The following NAAA variants were observed in gnomAD, a reference collection of about 807,000 sequenced individuals.
NAAA encodes the protein N-acylethanolamine acid amidase, also known as N-acylethanolamine-hydrolyzing acid amidase.
In NAAA, 39 loss-of-function variants were observed where a neutral mutation model predicts 44.8. That is an observed-to-expected ratio of 0.87 (90% CI 0.67 to 1.14). NAAA has a LOEUF of 1.14. NAAA is among the 50% of genes most tolerant of loss of function. The pLI is 0.00. For synonymous variants in NAAA, 178 were observed against 191.3 expected (o/e 0.93, Z 0.58); for missense variants, 460 against 467.8 (o/e 0.98, Z 0.15).
At chr4:75,914,532 C>G (rs1481843523) in intron 10 of NAAA, among the ~76,000 whole-genome samples, 194 bp from the exon 11 acceptor site, 3 of 151,948 alleles carry the variant, frequency 2.0e-5, no homozygotes, top group Non-Finnish European at 4.4e-5. Flanking sequence ...CACCACCACA[C>G]CTGGCTAACA....
At chr4:75,918,696 A>T in intron 9 of NAAA, 65 bp downstream of exon 9, 1 of 1,550,180 alleles carries the variant, frequency 6.5e-7, no homozygotes, top group Non-Finnish European at 8.9e-7. Flanking sequence ...TGAGCCAAAC[A>T]GTACGTGAGT....
chr4:75,914,803 C>T (rs909242335), intron 10 of NAAA, 65 bp downstream of exon 10: 2 of 1,163,848 alleles, frequency 1.7e-6, no homozygotes, highest in Non-Finnish European at 2.5e-6. Context: ...GATGTTACCA[C>T]CCTCTGTAAG....
Position 75,921,063 on chromosome 4 carries a change from T to G in NAAA, c.727A>C (p.Ile243Leu). 1 of 1,601,540 alleles carries G rather than the reference T, an allele frequency of 6.2e-7. No individual in the cohort carries two copies. Among genetic ancestry groups the G allele is most frequent in the Non-Finnish European group, 8.5e-7 (1 of 1,176,860 alleles). Residue 243 changes from isoleucine to leucine, a missense_variant, in exon 6 of 11, where the codon ATT becomes CTT. Transcript: ENST00000286733. ...CCAACAATGTAATAAACATCAGCAA[T>G]AAGGGGAGTCTTGGCCAACTTGCCA... Reference protein sequence around the residue: ...AVGKLAKTPLIADVYYIVGGT... With the variant: ...AVGKLAKTPLLADVYYIVGGT...
At chr4:75,933,782 C>T (rs112556223) in intron 3 of NAAA, among the ~76,000 whole-genome samples, 7 of 151,972 alleles carry the variant, frequency 4.6e-5, no homozygotes, top group African/African-American at 1.5e-4. Flanking sequence ...AACCTGTAAT[C>T]CCAGCACTTT....
chr4:75,930,440 G>C (rs772461942), intron 4 of NAAA: 1 of 514,174 alleles, frequency 1.9e-6, no homozygotes, highest in Non-Finnish European at 3.9e-6. Flanking sequence ...AACGAATGGA[G>C]TTAAAAATAA....
intron 3 of NAAA, among the ~76,000 whole-genome samples, chr4:75,934,439 C>T (rs946708099): frequency 6.6e-6 from 1 of 151,690 alleles, no homozygotes; most frequent in African/African-American, 2.4e-5. Flanking sequence ...CCTCAGCCTC[C>T]CAAGTAGCTG....
In NAAA at chr4:75,921,130, G is replaced by A. The variant is rs116406284; in HGVS notation, c.667-7C>T. ...TTTCCGACTCACTCAGGGTCTGAAC[G>A]AAAGGATGAACTTGCGTGAGCAACC... On this transcript the variant is annotated splice_region_variant and splice_polypyrimidine_tract_variant and intron_variant, in intron 5 of 10. Transcript: ENST00000286733. The A allele has an allele frequency of 3.8e-3, 5,986 of 1,562,822 alleles. 190 individuals are homozygous for A. In the African/African-American group the frequency reaches 0.072, roughly 19 times the overall value.
chr4:75,918,447 T>A (rs1248542709), intron 9 of NAAA, among the ~76,000 whole-genome samples: 1 of 151,848 alleles, frequency 6.6e-6, no homozygotes, highest in Non-Finnish European at 1.5e-5. Flanking sequence ...AGAGCGAGAC[T>A]CTGGCTCAAG....
chr4:75,922,978 A>G (rs1179235554), intron 5 of NAAA, among the ~76,000 whole-genome samples: 1 of 152,090 alleles, frequency 6.6e-6, no homozygotes, highest in Non-Finnish European at 1.5e-5. Context: ...CTATCTCAGG[A>G]AATGGAGGAA....
intron 2 of NAAA, chr4:75,939,650 C>T (rs1279305365): frequency 4.5e-6 from 1 of 222,250 alleles, no homozygotes; most frequent in Admixed American, 4.9e-5. Flanking sequence ...CTCCTAACCT[C>T]GTGATCTGCC....
At position 75,914,999 on chromosome 4, in the gene NAAA, G is replaced by A. The variant is rs762310744; in HGVS notation, c.999-14C>T. On this transcript the variant is annotated splice_polypyrimidine_tract_variant and intron_variant, in intron 9 of 10. Coordinates refer to ENST00000286733, the MANE Select transcript of NAAA (RefSeq NM_014435.4). Reference sequence around the variant, plus strand: ...TAAATTGTGAAGCTGAAAATTATGAGGAAATTTTATGTACACATCATTTTC... The same window carrying A: ...TAAATTGTGAAGCTGAAAATTATGAAGAAATTTTATGTACACATCATTTTC... The A allele has an allele frequency of 6.4e-7, 1 of 1,569,412 alleles. No individual in the cohort carries two copies. Among genetic ancestry groups the A allele is most frequent in the East Asian group, 2.2e-5 (1 of 44,624 alleles).
At chr4:75,928,084 C>T (rs1457439575) in intron 4 of NAAA, among the ~76,000 whole-genome samples, 1 of 151,690 alleles carries the variant, frequency 6.6e-6, no homozygotes, top group African/African-American at 2.4e-5. Context: ...TGTGGATCAC[C>T]AGACCTTATT....
At chr4:75,916,339 A>T (rs1184935260) in intron 9 of NAAA, 3 of 152,222 alleles carry the variant, frequency 2.0e-5, no homozygotes, top group Admixed American at 6.6e-5. Context: ...GAGAGTCAGA[A>T]GTCTGTGTTA....
chr4:75,922,592 C>T (rs938739700), intron 5 of NAAA, among the ~76,000 whole-genome samples: 1 of 152,208 alleles, frequency 6.6e-6, no homozygotes, highest in African/African-American at 2.4e-5. Context: ...TTCTACATGG[C>T]ATTCCATACT....
chr4:75,927,287 C>T (rs968566783), intron 4 of NAAA, among the ~76,000 whole-genome samples: 1 of 149,776 alleles, frequency 6.7e-6, no homozygotes, highest in Non-Finnish European at 1.5e-5. Flanking sequence ...AACCCTACCT[C>T]TACAAAAGTT....
intron 3 of NAAA, chr4:75,935,545 G>A (rs1274001349): frequency 6.6e-6 from 1 of 152,614 alleles, no homozygotes; most frequent in Non-Finnish European, 1.5e-5. Context: ...CACACTTGCA[G>A]AATGAAGGAC....
chr4:75,937,788 A>T lies in NAAA; in HGVS notation c.372-1553T>A, dbSNP rs149237519. On this transcript the variant is annotated intron_variant, in intron 2 of 10. Transcript: ENST00000286733. ...CAGGCGTGAGCCACTGTGGCCGGCC[A>T]CCCTCCAAGGTTTCTGAGCTTAACT... is the stretch of plus-strand genomic sequence containing the variant. 1.8e-3 allele frequency among the ~76,000 whole-genome samples: 274 copies of T among 152,132 alleles called. 2 individuals are homozygous for T. Among genetic ancestry groups the T allele is most frequent in the African/African-American group, 6.4e-3 (265 of 41,500 alleles).
chr4:75,921,672 G>T (rs1011479959), intron 5 of NAAA, among the ~76,000 whole-genome samples: 1 of 152,208 alleles, frequency 6.6e-6, no homozygotes, highest in African/African-American at 2.4e-5. Context: ...AGTGGAGGAG[G>T]TACTGCTGGG....
At chr4:75,911,159 C>A (rs568632456), downstream of NAAA, among the ~76,000 whole-genome samples, 2 of 152,154 alleles carry the variant, frequency 1.3e-5, no homozygotes, top group South Asian at 4.1e-4. Flanking sequence ...GTCAATTGAT[C>A]AGTTAGGGTG....
Sources: gnomAD v4.1 joint callset for allele counts (sites outside exome capture counted in the v4.1 genomes callset) on GRCh38, gnomAD v4.1.1 for gene constraint, MANE v1.5 for transcripts, NCBI Gene and HGNC (gene_info 2026-07-23, HGNC 2026-07-21) for gene names.